PAX7: variants seen among roughly 807,000 people sequenced by gnomAD.
PAX7 encodes paired box 7.
A neutral mutation model predicts 50.7 loss-of-function variants in PAX7; 18 were observed. That is an observed-to-expected ratio of 0.36 (90% CI 0.25 to 0.53). The LOEUF (loss-of-function observed/expected upper bound fraction) is 0.53. Among genes scored for constraint, PAX7 ranks in the 20% least tolerant of loss-of-function variants. The probability of loss-of-function intolerance (pLI) is 0.93; values close to 1 mark genes in which losing one functional copy is unlikely to be tolerated. For missense variants in PAX7, 644 were observed against 702.9 expected (o/e 0.92, Z 0.95); for synonymous variants, 310 against 290.4 (o/e 1.07, Z -0.69).
In PAX7 at chr1:18,700,420, T is replaced by C. The variant is rs985736664; in HGVS notation, c.787-233T>C. 1.3e-5 allele frequency among the ~76,000 whole-genome samples: 2 copies of C among 152,054 alleles called. No homozygotes were observed. Among genetic ancestry groups the C allele is most frequent in the African/African-American group, 4.8e-5 (2 of 41,420 alleles). ...CTTTCTTTGGGTCTTGGTTTCCTCA[T>C]CTGTAAAATGGGGATAATATAGAAC... On this transcript the variant is annotated intron_variant, in intron 5 of 8. Coordinates refer to ENST00000420770, the MANE Select transcript of PAX7 (RefSeq NM_001135254.2). This position sits in a 1 kb window ranked among gnomAD's most constrained non-coding sequence, Gnocchi z 4.8.
intron 7 of PAX7, among the ~76,000 whole-genome samples, chr1:18,710,206 T>G (rs1288820295): frequency 6.6e-6 from 1 of 152,246 alleles, no homozygotes; most frequent in East Asian, 1.9e-4. Flanking sequence ...AGTCACTTGC[T>G]GAAGGTCACA....
In PAX7 at chr1:18,747,812, T is replaced by C. The variant is rs904045117; in HGVS notation, c.*2883T>C. ...AAAGCTGACTTTTTATAAATATATA[T>C]ATATACTAAAAAAGGAAAGAAATCC... is the stretch of plus-strand genomic sequence containing the variant. On this transcript the variant is annotated 3_prime_UTR_variant, in exon 9 of 9. Coordinates refer to ENST00000420770, the MANE Select transcript of PAX7 (RefSeq NM_001135254.2). 5.3e-6 allele frequency: 1 copy of C among 189,556 alleles called. No individual in the cohort carries two copies. The highest frequency in any genetic ancestry group is 1.1e-5 in the Non-Finnish European group (1 of 90,180). 11.7% of individuals were successfully genotyped at this position (189,556 alleles called of 1,614,324 possible).
chr1:18,643,434 T>C (rs772494927), intron 4 of PAX7, among the ~76,000 whole-genome samples: 2 of 152,164 alleles, frequency 1.3e-5, no homozygotes, highest in African/African-American at 2.4e-5. Context: ...AGTGAGAAAG[T>C]CTGAGCGCAG....
chr1:18,722,912 C>G (rs2100373516), intron 7 of PAX7, among the ~76,000 whole-genome samples: 1 of 152,262 alleles, frequency 6.6e-6, no homozygotes, highest in South Asian at 2.1e-4. Flanking sequence ...CCTTTCCTTC[C>G]TACCCTTCAC....
intron 4 of PAX7, among the ~76,000 whole-genome samples, chr1:18,665,129 G>A (rs902717546): frequency 1.3e-5 from 2 of 152,138 alleles, no homozygotes; most frequent in African/African-American, 2.4e-5. Context: ...GCTTAGCAGC[G>A]AGCCTGGGCA....
At chr1:18,712,094 A>T (rs2089359515) in intron 7 of PAX7, among the ~76,000 whole-genome samples, 1 of 152,222 alleles carries the variant, frequency 6.6e-6, no homozygotes, top group Non-Finnish European at 1.5e-5. Flanking sequence ...GTAGGGATGA[A>T]CTGCAAGGCT....
intron 4 of PAX7, among the ~76,000 whole-genome samples, chr1:18,674,452 G>A (rs2088796189): frequency 6.6e-6 from 1 of 152,088 alleles, no homozygotes; most frequent in Non-Finnish European, 1.5e-5. Flanking sequence ...GAGCCAGGGT[G>A]GAGAAGAAGA....
intron 8 of PAX7, chr1:18,736,114 A>T (rs2089710221): frequency 2.9e-6 from 2 of 680,210 alleles, no homozygotes; most frequent in African/African-American, 3.6e-5. Flanking sequence ...CTCCAACAGA[A>T]ATAAAATACA....
At chr1:18,696,124 G>A (rs1459198892) in intron 5 of PAX7, among the ~76,000 whole-genome samples, 4 of 145,118 alleles carry the variant, frequency 2.8e-5, no homozygotes, top group Non-Finnish European at 4.5e-5. Flanking sequence ...GGAGTGCAAT[G>A]GCGCAGTCTC....
chr1:18,719,789 A>T (rs1462014850), intron 7 of PAX7, among the ~76,000 whole-genome samples: 1 of 94,454 alleles, frequency 1.1e-5, no homozygotes, highest in Non-Finnish European at 2.1e-5. Context: ...CTCTGGGGTG[A>T]AACAGCTGTC....
At chr1:18,645,455 T>G (rs2088324029) in intron 4 of PAX7, among the ~76,000 whole-genome samples, 1 of 152,184 alleles carries the variant, frequency 6.6e-6, no homozygotes, top group African/African-American at 2.4e-5. Flanking sequence ...CTGGGTCCTT[T>G]CCATGGGACC....
chr1:18,733,714 A>G (rs1254120332), intron 7 of PAX7, among the ~76,000 whole-genome samples: 1 of 152,160 alleles, frequency 6.6e-6, no homozygotes, highest in African/African-American at 2.4e-5. Flanking sequence ...CTCACCCCAC[A>G]TTAGCTGCCC....
At position 18,631,233 on chromosome 1, in the gene PAX7, C is replaced by G. The variant is rs975055456; in HGVS notation, c.-371C>G. On this transcript the variant is annotated 5_prime_UTR_variant, in exon 1 of 9. Coordinates refer to ENST00000420770, the MANE Select transcript of PAX7 (RefSeq NM_001135254.2). ...GGCCTCGATTCCGGCCGCGTTCCCC[C>G]GGCCCCCCTCCGCCGCGGGGCCTGG... 2.0e-5 allele frequency: 5 copies of G among 248,478 alleles called. No homozygotes were observed. The highest frequency in any genetic ancestry group is 3.9e-5 in the Non-Finnish European group (5 of 128,718). 15.4% of individuals were successfully genotyped at this position (248,478 alleles called of 1,614,324 possible).
intron 7 of PAX7, among the ~76,000 whole-genome samples, chr1:18,710,289 C>G (rs1040375194): frequency 6.6e-6 from 1 of 152,190 alleles, no homozygotes; most frequent in Non-Finnish European, 1.5e-5. Context: ...CCACTTGACT[C>G]TCAGCAAGAC....
At position 18,748,498 on chromosome 1, in the gene PAX7, T is replaced by C. The variant is rs1364024026; in HGVS notation, c.*3569T>C. ...CGCCAACTTGAAACGCTCTGAGACT[T>C]CTGTGTATTTGATGCTTCTTCAAGT... On this transcript the variant is annotated 3_prime_UTR_variant, in exon 9 of 9. Transcript: ENST00000420770. 2.6e-5 allele frequency: 6 copies of C among 231,712 alleles called. No individual in the cohort carries two copies. The Admixed American group carries it at 3.4e-4, about 13-fold the overall frequency. The allele number at this position is 231,712 out of a possible 1,614,324, so 14.4% of individuals were successfully genotyped here.
intron 4 of PAX7, among the ~76,000 whole-genome samples, chr1:18,681,620 C>G (rs2088901034): frequency 6.6e-6 from 1 of 152,190 alleles, no homozygotes; most frequent in African/African-American, 2.4e-5. Context: ...GAGCCAGGAT[C>G]AGAGAATGCC....
chr1:18,720,358 G>A (rs1349548670), intron 7 of PAX7, among the ~76,000 whole-genome samples: 2 of 152,224 alleles, frequency 1.3e-5, no homozygotes, highest in African/African-American at 4.8e-5. Context: ...AGGCAGGAGA[G>A]CAAGGGAGGT....
chr1:18,651,676 C>A (rs1280325385), intron 4 of PAX7, among the ~76,000 whole-genome samples: 1 of 152,116 alleles, frequency 6.6e-6, no homozygotes, highest in Non-Finnish European at 1.5e-5. Context: ...AGAGAGATTC[C>A]GAGTGTTCCA....
intron 4 of PAX7, among the ~76,000 whole-genome samples, chr1:18,667,433 AGG>A (rs2088686177): frequency 6.6e-6 from 1 of 151,318 alleles, no homozygotes; most frequent in Non-Finnish European, 1.5e-5. Flanking sequence ...GAAGGAAGGA[AGG>A]AAGGAAGGAA....
Sources: gnomAD v4.1 joint callset for allele counts (sites outside exome capture counted in the v4.1 genomes callset) on GRCh38, gnomAD v4.1.1 for gene constraint, Gnocchi (gnomAD v3.1) non-coding constraint, MANE v1.5 for transcripts, NCBI Gene and HGNC (gene_info 2026-07-23, HGNC 2026-07-21) for gene names.